Variants in MYO18B observed in about 807,000 individuals in gnomAD.
MYO18B encodes myosin XVIIIB, also known as unconventional myosin-XVIIIb.
In MYO18B, 204 loss-of-function variants were observed where a neutral mutation model predicts 273.0. The observed-to-expected ratio is 0.75, with a 90% CI of 0.67 to 0.84. The LOEUF is 0.84. Ranked by LOEUF, MYO18B falls within the 40% of genes least tolerant of loss-of-function variation. The pLI is 0.00. For missense variants in MYO18B, 3,212 were observed against 3,287.6 expected (o/e 0.98, Z 0.56); for synonymous variants, 1,330 against 1,305.7 (o/e 1.02, Z -0.40).
chr22:25,906,616 C>G (rs1342096960), intron 31 of MYO18B, among the ~76,000 whole-genome samples: 1 of 152,072 alleles, frequency 6.6e-6, no homozygotes, highest in East Asian at 1.9e-4. Flanking sequence ...CAATGTAACC[C>G]ATTGTATTAG....
At position 26,003,242 on chromosome 22, in the gene MYO18B, CTCTT is replaced by C. The variant is rs1934130021; in HGVS notation, c.6288-18_6288-15del. On this transcript the variant is annotated intron_variant, in intron 40 of 43. Coordinates refer to ENST00000335473, the MANE Select transcript of MYO18B (RefSeq NM_032608.7). The stretch of plus-strand genomic sequence containing the variant: ...CCCCTGGCAGCACGAGGATAACACA[CTCTT>C]TCTTGTGCCTCTTACTAGTGTCCAG... The C allele has an allele frequency of 6.2e-7, 1 of 1,602,694 alleles. No homozygotes were observed. Among genetic ancestry groups the C allele is most frequent in the Non-Finnish European group, 8.5e-7 (1 of 1,174,394 alleles).
intron 20 of MYO18B, among the ~76,000 whole-genome samples, chr22:25,849,664 G>T (rs2090365154): frequency 6.6e-6 from 1 of 152,124 alleles, no homozygotes; most frequent in African/African-American, 2.4e-5. Context: ...CTCCAACTCT[G>T]GAGGGAAATG....
rs754253982 is a variant in MYO18B at position 25,770,147 on chromosome 22, G to C, written c.1550G>C (p.Trp517Ser). The C allele has an allele frequency of 3.7e-6, 6 of 1,613,920 alleles. No homozygotes were observed. Among genetic ancestry groups the C allele is most frequent in the Non-Finnish European group, 5.1e-6 (6 of 1,179,870 alleles). Reference protein sequence around the residue: ...EDRWYEAEKVWLAQKDGFTLA... With the variant: ...EDRWYEAEKVSLAQKDGFTLA... ...AGATGGTATGAGGCAGAGAAAGTCT[G>C]GCTGGCTCAGAAGGATGGATTTACT... The change falls in exon 5 of 44, where the codon TGG becomes TCG. Residue 517 changes from tryptophan to serine, a missense_variant. By Grantham distance (177) the Trp-to-Ser change is radical (BLOSUM62 -3). Transcript: ENST00000335473.
the MYO18B span, among the ~76,000 whole-genome samples, chr22:26,040,943 G>T: frequency 6.6e-6 from 1 of 152,254 alleles, no homozygotes; most frequent in East Asian, 1.9e-4. Context: ...ATCTCACTTT[G>T]CCCAGGACTG....
rs756020707 is a variant in MYO18B at position 26,004,700 on chromosome 22, C to T, written c.6333-18C>T. Reference sequence around the variant, plus strand: ...GTGATTGTCATTGTGCTGATGGTGTCCTGCAATCTTATTCTAGGGATAACG... The same window carrying T: ...GTGATTGTCATTGTGCTGATGGTGTTCTGCAATCTTATTCTAGGGATAACG... On this transcript the variant is annotated intron_variant, in intron 41 of 43. Coordinates refer to ENST00000335473, the MANE Select transcript of MYO18B (RefSeq NM_032608.7). 2.5e-6 allele frequency: 4 copies of T among 1,612,942 alleles called. No individual in the cohort carries two copies. The highest frequency in any genetic ancestry group is 3.4e-6 in the Non-Finnish European group (4 of 1,179,328).
intron 11 of MYO18B, among the ~76,000 whole-genome samples, chr22:25,789,126 T>TTCC (rs1239699093): frequency 1.8e-5 from 2 of 111,368 alleles, no homozygotes; most frequent in African/African-American, 6.8e-5. Flanking sequence ...CCTCCTCCTC[T>TTCC]TCCTCCTCCT....
the MYO18B span, among the ~76,000 whole-genome samples, chr22:26,044,493 T>G: frequency 3.9e-5 from 6 of 152,266 alleles, no homozygotes; most frequent in African/African-American, 1.4e-4. Flanking sequence ...TGATCACTTA[T>G]AATATACTAG....
chr22:25,835,634 G>T (rs555630899), intron 17 of MYO18B, among the ~76,000 whole-genome samples, 191 bp downstream of exon 17: 2 of 152,372 alleles, frequency 1.3e-5, no homozygotes, highest in South Asian at 4.1e-4. Flanking sequence ...GCCACTATGT[G>T]CTGGGTACTG....
At chr22:25,924,680 G>T (rs563885355) in intron 34 of MYO18B, among the ~76,000 whole-genome samples, 4 of 152,282 alleles carry the variant, frequency 2.6e-5, no homozygotes, top group African/African-American at 9.6e-5. Context: ...GTGGTGAGAA[G>T]CCATTGGGAG....
chr22:26,009,165 A>G (rs1045077064), intron 42 of MYO18B, among the ~76,000 whole-genome samples: 2 of 152,206 alleles, frequency 1.3e-5, no homozygotes, highest in African/African-American at 4.8e-5. Context: ...GTAAAATAAT[A>G]ATGCCTTTAA....
chr22:25,835,547 T>A, intron 17 of MYO18B, 104 bp downstream of exon 17: 2 of 1,406,988 alleles, frequency 1.4e-6, no homozygotes, highest in Middle Eastern at 2.5e-4. Context: ...GCACAGAGGC[T>A]CCAACGTGCA....
chr22:25,870,168 T>A (rs2091007796), intron 22 of MYO18B, among the ~76,000 whole-genome samples: 1 of 152,228 alleles, frequency 6.6e-6, no homozygotes, highest in Admixed American at 6.5e-5. Flanking sequence ...GTCTTTTCCG[T>A]ACACTCTGGG....
the MYO18B span, among the ~76,000 whole-genome samples, chr22:26,057,562 T>C: frequency 6.6e-6 from 1 of 151,596 alleles, no homozygotes; most frequent in Non-Finnish European, 1.5e-5. Flanking sequence ...CAAAAGGACA[T>C]TGCCTTTACA....
At chr22:25,969,499 A>G (rs989529494) in intron 39 of MYO18B, among the ~76,000 whole-genome samples, 2 of 152,184 alleles carry the variant, frequency 1.3e-5, no homozygotes, top group Admixed American at 6.5e-5. Context: ...ACAAACATTT[A>G]CCTATTTTCT....
At chr22:25,749,506 G>T (rs551740992) in intron 1 of MYO18B, among the ~76,000 whole-genome samples, 1 of 152,256 alleles carries the variant, frequency 6.6e-6, no homozygotes, top group Non-Finnish European at 1.5e-5. Flanking sequence ...TAAATACCTT[G>T]ACCACTAGTT....
At chr22:25,796,953 C>T (rs528297336) in intron 11 of MYO18B, among the ~76,000 whole-genome samples, 18 of 152,130 alleles carry the variant, frequency 1.2e-4, no homozygotes, top group East Asian at 5.8e-4. Context: ...TTCCAGACGG[C>T]GTGGTGGCTC....
chr22:25,944,802 G>A (rs1169524989), intron 34 of MYO18B, among the ~76,000 whole-genome samples: 2 of 150,026 alleles, frequency 1.3e-5, no homozygotes, highest in African/African-American at 2.5e-5. Flanking sequence ...AGCTGAGATC[G>A]TGGCACTGCA....
chr22:25,902,186 A>G (rs2091951664), intron 29 of MYO18B, among the ~76,000 whole-genome samples: 1 of 151,752 alleles, frequency 6.6e-6, no homozygotes, highest in South Asian at 2.1e-4. Flanking sequence ...GTTTTATTCT[A>G]TTTTTATTCC....
At position 25,808,930 on chromosome 22, in the gene MYO18B, T is replaced by G. The variant is rs543244269; in HGVS notation, c.2521+10833T>G. Among the ~76,000 whole-genome samples, 99 of 152,220 alleles carry G rather than the reference T, an allele frequency of 6.5e-4. 1 individual carries two copies. The highest frequency in any genetic ancestry group is 8.4e-4 in the Non-Finnish European group (57 of 67,998). On this transcript the variant is annotated intron_variant, in intron 12 of 43. Coordinates refer to ENST00000335473, the MANE Select transcript of MYO18B (RefSeq NM_032608.7). The stretch of plus-strand genomic sequence containing the variant: ...CCCAGGAGAGTTTTCCCCAGCAACT[T>G]TTAGAAGAGGCTGACCTGGGCGGTT...
Sources: gnomAD v4.1 joint callset for allele counts (sites outside exome capture counted in the v4.1 genomes callset) on GRCh38, gnomAD v4.1.1 for gene constraint, MANE v1.5 for transcripts, NCBI Gene and HGNC (gene_info 2026-07-23, HGNC 2026-07-21) for gene names.